The following ANXA3 variants were observed in gnomAD, a reference collection of about 807,000 sequenced individuals.
ANXA3 encodes the protein 35-alpha calcimedin.
In ANXA3, 46 loss-of-function variants were observed where a neutral mutation model predicts 48.8. The observed-to-expected ratio is 0.94, with a 90% CI of 0.74 to 1.21. The LOEUF is 1.21. Ranked by LOEUF, ANXA3 falls within the 50% of genes most tolerant of loss-of-function variation. ANXA3 has a pLI of 0.00. For missense variants in ANXA3, 383 were observed against 378.6 expected (o/e 1.01, Z -0.10); for synonymous variants, 128 against 134.7 (o/e 0.95, Z 0.35).
intron 4 of ANXA3, among the ~76,000 whole-genome samples, chr4:78,579,363 G>T (rs1191120582): frequency 6.6e-6 from 1 of 152,174 alleles, no homozygotes; most frequent in Non-Finnish European, 1.5e-5. Flanking sequence ...GTTTGCCTTA[G>T]CCCAGTGGGT....
At chr4:78,606,569 T>G (rs1255961073) in intron 12 of ANXA3, among the ~76,000 whole-genome samples, 1 of 152,142 alleles carries the variant, frequency 6.6e-6, no homozygotes, top group Non-Finnish European at 1.5e-5. Context: ...CAACCTTCGC[T>G]ATGGCCCTAC....
chr4:78,553,176 T>G (rs1722435660), intron 1 of ANXA3, among the ~76,000 whole-genome samples: 1 of 152,222 alleles, frequency 6.6e-6, no homozygotes, highest in Non-Finnish European at 1.5e-5. Flanking sequence ...CTTTAGAGTC[T>G]AGCTGCCTAG....
chr4:78,563,141 G>A (rs1722657205), intron 2 of ANXA3, among the ~76,000 whole-genome samples: 1 of 151,922 alleles, frequency 6.6e-6, no homozygotes, highest in South Asian at 2.1e-4. Context: ...CTTCTTGTTG[G>A]GATTATCGCT....
rs535723745 is a variant in ANXA3, at chr4:78,605,573, C to T, written c.912+1174C>T. 2.6e-3 allele frequency among the ~76,000 whole-genome samples: 393 copies of T among 152,018 alleles called. 5 individuals are homozygous for T. The highest frequency in any genetic ancestry group is 8.3e-3 in the African/African-American group (346 of 41,458). ...TTGACTTGGCCAAAAGTATTTTTTT[C>T]CAAGCAGAGGTTGCACATCTTATTT... On this transcript the variant is annotated intron_variant, in intron 12 of 12. Transcript: ENST00000264908.
intron 1 of ANXA3, among the ~76,000 whole-genome samples, chr4:78,553,011 A>G (rs573777182): frequency 3.9e-5 from 6 of 152,370 alleles, no homozygotes; most frequent in African/African-American, 1.4e-4. Context: ...TTCGCTGTGG[A>G]GTAATTCTTT....
intron 12 of ANXA3, among the ~76,000 whole-genome samples, chr4:78,608,288 G>C (rs1402908610): frequency 6.6e-6 from 1 of 152,084 alleles, no homozygotes; most frequent in Non-Finnish European, 1.5e-5. Flanking sequence ...AAAATAAGTA[G>C]ATATTAATAA....
At chr4:78,593,007 G>A (rs1192472280) in intron 7 of ANXA3, among the ~76,000 whole-genome samples, 3 of 152,012 alleles carry the variant, frequency 2.0e-5, no homozygotes, top group African/African-American at 7.2e-5. Flanking sequence ...GTAGCTAAAT[G>A]TTTCATTCAC....
At chr4:78,567,285 G>T (rs1459017383) in intron 2 of ANXA3, among the ~76,000 whole-genome samples, 1 of 152,148 alleles carries the variant, frequency 6.6e-6, no homozygotes, top group Non-Finnish European at 1.5e-5. Flanking sequence ...TCACAGTTCT[G>T]GAGGCCAGAA....
chr4:78,579,868 G>A (rs926032653), intron 4 of ANXA3, among the ~76,000 whole-genome samples: 3 of 152,240 alleles, frequency 2.0e-5, no homozygotes, highest in Admixed American at 6.5e-5. Flanking sequence ...CCCGGGAGGC[G>A]GAGTCTTCAG....
intron 5 of ANXA3, among the ~76,000 whole-genome samples, chr4:78,585,732 G>C (rs1723160859): frequency 6.6e-6 from 1 of 152,146 alleles, no homozygotes; most frequent in South Asian, 2.1e-4. Context: ...ACTTTTCTTG[G>C]AGTCACAGTG....
At position 78,558,454 on chromosome 4, in the gene ANXA3, A is replaced by T. The variant is rs1389955724; in HGVS notation, c.15+3966A>T. Among the ~76,000 whole-genome samples the T allele has an allele frequency of 7.2e-5, 11 of 152,342 alleles. No individual in the cohort carries two copies. In the East Asian group the frequency reaches 2.1e-3, roughly 29 times the overall value. On this transcript the variant is annotated intron_variant, in intron 2 of 12. Transcript: ENST00000264908. ...TTCTCTCTGCCACACAAAACCACAT[A>T]CACACTCAAACATAAATAAGCAATC... is the stretch of plus-strand genomic sequence containing the variant.
intron 3 of ANXA3, among the ~76,000 whole-genome samples, chr4:78,577,849 A>G (rs575888332): frequency 1.2e-4 from 19 of 152,182 alleles, no homozygotes; most frequent in African/African-American, 4.6e-4. Context: ...ATTAGACACA[A>G]CTTTCCACGT....
Position 78,595,441 on chromosome 4 carries a change from A to G in ANXA3, c.540+4A>G. On this transcript the variant is annotated splice_donor_region_variant and intron_variant, in intron 8 of 12. Coordinates refer to ENST00000264908, the MANE Select transcript of ANXA3 (RefSeq NM_005139.3). ...TCTGGCCAAACAAGATGCCCAGGTC[A>G]GTAACAAAGCGGGAAAACATTTCCT... is the stretch of plus-strand genomic sequence containing the variant. 6.2e-7 allele frequency: 1 copy of G among 1,613,080 alleles called. No homozygotes were observed. The highest frequency in any genetic ancestry group is 8.5e-7 in the Non-Finnish European group (1 of 1,179,736).
intron 6 of ANXA3, among the ~76,000 whole-genome samples, chr4:78,588,851 G>A (rs1723231055): frequency 6.6e-6 from 1 of 152,228 alleles, no homozygotes; most frequent in Non-Finnish European, 1.5e-5. Context: ...AAGTAGACAA[G>A]AGAATTGCTT....
intron 2 of ANXA3, among the ~76,000 whole-genome samples, chr4:78,556,573 T>G (rs1190749899): frequency 6.6e-6 from 1 of 152,110 alleles, no homozygotes; most frequent in African/African-American, 2.4e-5. Context: ...GAAAAGCCTG[T>G]GCAGAGATGT....
intron 9 of ANXA3, among the ~76,000 whole-genome samples, chr4:78,596,769 T>C (rs1723432391): frequency 1.3e-5 from 2 of 152,202 alleles, no homozygotes; most frequent in Admixed American, 1.3e-4. Context: ...AAAAATATAC[T>C]TGGCTTACAA....
chr4:78,567,205 A>G (rs1246349711), intron 2 of ANXA3, among the ~76,000 whole-genome samples: 3 of 152,192 alleles, frequency 2.0e-5, no homozygotes, highest in Non-Finnish European at 4.4e-5. Context: ...TACCTGCTGT[A>G]TTAGTTTCCT....
intron 2 of ANXA3, among the ~76,000 whole-genome samples, chr4:78,559,148 C>T (rs760411382): frequency 7.2e-5 from 11 of 152,030 alleles, no homozygotes; most frequent in Admixed American, 1.3e-4. Context: ...GGTGCAATCA[C>T]GGCTTGCTGC....
At chr4:78,557,318 C>T (rs1722535164) in intron 2 of ANXA3, among the ~76,000 whole-genome samples, 1 of 152,158 alleles carries the variant, frequency 6.6e-6, no homozygotes, top group African/African-American at 2.4e-5. Context: ...TCTTCTCCCT[C>T]CAGCTGAAGA....
Sources: allele counts gnomAD v4.1 joint callset (sites outside exome capture counted in the v4.1 genomes callset), GRCh38; gene constraint gnomAD v4.1.1; transcripts MANE v1.5; gene names NCBI Gene and HGNC (gene_info 2026-07-23, HGNC 2026-07-21).